Variants in ZNF148 observed in about 807,000 individuals in gnomAD.
ZNF148 encodes zinc finger protein 148.
A neutral mutation model predicts 67.7 loss-of-function variants in ZNF148; 7 were observed. That is an observed-to-expected ratio of 0.10 (90% CI 0.06 to 0.19). The LOEUF (loss-of-function observed/expected upper bound fraction) is 0.19. ZNF148 is among the 10% of genes least tolerant of loss of function. The pLI is 1.00. For synonymous variants in ZNF148, 333 were observed against 330.7 expected (o/e 1.01, Z -0.08); for missense variants, 583 against 947.1 (o/e 0.62, Z 5.05).
intron 1 of ZNF148, among the ~76,000 whole-genome samples, chr3:125,371,018 A>G (rs1413112900): frequency 6.6e-6 from 1 of 151,972 alleles, no homozygotes; most frequent in Non-Finnish European, 1.5e-5. Context: ...CCCCCAAAAA[A>G]CACATGTATA....
chr3:125,365,388 A>G (rs1230492009), intron 1 of ZNF148, among the ~76,000 whole-genome samples: 1 of 152,204 alleles, frequency 6.6e-6, no homozygotes, highest in East Asian at 1.9e-4. Context: ...CCACGTATTT[A>G]GTTTCTATCA....
chr3:125,251,776 CT>C, intron 7 of ZNF148, among the ~76,000 whole-genome samples: 1 of 152,188 alleles, frequency 6.6e-6, no homozygotes, highest in East Asian at 1.9e-4. Flanking sequence ...TGTTCTTATC[CT>C]TTGGTGAAAA....
chr3:125,355,279 T>C (rs546099591), intron 1 of ZNF148, among the ~76,000 whole-genome samples: 1 of 152,350 alleles, frequency 6.6e-6, no homozygotes, highest in South Asian at 2.1e-4. Context: ...GGGAGAATGT[T>C]ATTCTCAATA....
At chr3:125,329,734 A>G (rs530968393) in intron 2 of ZNF148, among the ~76,000 whole-genome samples, 1 of 152,260 alleles carries the variant, frequency 6.6e-6, no homozygotes, top group African/African-American at 2.4e-5. Flanking sequence ...CAAAAAAAAA[A>G]GCCTAAATAT....
At chr3:125,309,900 A>G (rs1208860505) in intron 4 of ZNF148, among the ~76,000 whole-genome samples, 1 of 152,190 alleles carries the variant, frequency 6.6e-6, no homozygotes, top group Non-Finnish European at 1.5e-5. Flanking sequence ...GGTGGACAAC[A>G]TTCTGGGCCA....
intron 2 of ZNF148, among the ~76,000 whole-genome samples, chr3:125,326,702 A>G (rs1941034424): frequency 6.8e-6 from 1 of 147,822 alleles, no homozygotes; most frequent in East Asian, 2.0e-4. Context: ...TTATATATGT[A>G]TATATATCTT....
intron 4 of ZNF148, among the ~76,000 whole-genome samples, chr3:125,306,247 CTAAGA>C (rs1939868862): frequency 6.6e-6 from 1 of 151,818 alleles, no homozygotes; most frequent in Non-Finnish European, 1.5e-5. Context: ...CTTTAAAAAG[CTAAGA>C]TAAGAAGAGC....
chr3:125,352,732 C>T (rs1417807788), intron 1 of ZNF148, among the ~76,000 whole-genome samples: 2 of 150,240 alleles, frequency 1.3e-5, no homozygotes, highest in Admixed American at 1.3e-4. Flanking sequence ...AAACTCCCAG[C>T]AAGATTTTTT....
chr3:125,333,392 C>T (rs1941367423), intron 1 of ZNF148, among the ~76,000 whole-genome samples: 1 of 152,208 alleles, frequency 6.6e-6, no homozygotes, highest in South Asian at 2.1e-4. Flanking sequence ...AACCACTCCT[C>T]TACCATGTAA....
intron 7 of ZNF148, among the ~76,000 whole-genome samples, chr3:125,244,417 T>A (rs954591067): frequency 6.6e-6 from 1 of 152,186 alleles, no homozygotes; most frequent in African/African-American, 2.4e-5. Flanking sequence ...ATCCGGCTGC[T>A]GCAATGACCC....
intron 7 of ZNF148, among the ~76,000 whole-genome samples, chr3:125,239,895 A>G (rs1221326954): frequency 6.6e-6 from 1 of 152,192 alleles, no homozygotes; most frequent in African/African-American, 2.4e-5. Flanking sequence ...CAGTGACAGA[A>G]AGTGATTAAT....
At chr3:125,293,705 C>G (rs184212660) in intron 4 of ZNF148, among the ~76,000 whole-genome samples, 351 of 152,158 alleles carry the variant, frequency 2.3e-3, no homozygotes, top group Non-Finnish European at 3.9e-3. Context: ...TGCATATCCA[C>G]AGATACAAAA....
At chr3:125,260,076 G>A (rs1937267326) in intron 7 of ZNF148, among the ~76,000 whole-genome samples, 1 of 152,108 alleles carries the variant, frequency 6.6e-6, no homozygotes, top group Non-Finnish European at 1.5e-5. Context: ...AACACTTATC[G>A]ATTAAGTTCA....
intron 7 of ZNF148, among the ~76,000 whole-genome samples, chr3:125,276,408 T>TTTTA (rs34560368): frequency 0.026 from 3,956 of 151,656 alleles, 106 homozygotes; most frequent in South Asian, 0.08. Context: ...ACAGTTAAAG[T>TTTTA]TTTATTTATT....
intron 7 of ZNF148, among the ~76,000 whole-genome samples, chr3:125,246,802 G>A (rs996783461): frequency 6.6e-6 from 1 of 151,984 alleles, no homozygotes; most frequent in Admixed American, 6.6e-5. Flanking sequence ...CTTGAGAAAA[G>A]GTGAAACAAT....
intron 1 of ZNF148, among the ~76,000 whole-genome samples, chr3:125,332,686 C>T (rs1007075833): frequency 2.0e-5 from 3 of 152,150 alleles, no homozygotes; most frequent in African/African-American, 7.2e-5. Context: ...GCTATTTCTG[C>T]TTGTCACTTG....
chr3:125,309,776 C>T (rs1560160455), intron 4 of ZNF148, among the ~76,000 whole-genome samples: 2 of 152,260 alleles, frequency 1.3e-5, no homozygotes, highest in African/African-American at 2.4e-5. Context: ...CTGGAGAAGG[C>T]GCAGGCTACT....
chr3:125,351,297 G>A (rs372459964), intron 1 of ZNF148, among the ~76,000 whole-genome samples: 1 of 136,610 alleles, frequency 7.3e-6, no homozygotes, highest in African/African-American at 2.8e-5. Context: ...CGAGAAGCTT[G>A]TTTAAGCCCA....
chr3:125,277,398 T>G (rs944734991), intron 7 of ZNF148, among the ~76,000 whole-genome samples: 1 of 152,178 alleles, frequency 6.6e-6, no homozygotes, highest in Non-Finnish European at 1.5e-5. Flanking sequence ...AGGAATTTGC[T>G]TCCTACCCCA....
Sources: allele counts gnomAD v4.1 joint callset (sites outside exome capture counted in the v4.1 genomes callset), GRCh38; gene constraint gnomAD v4.1.1; transcripts MANE v1.5; gene names NCBI Gene and HGNC (gene_info 2026-07-23, HGNC 2026-07-21).